JARID2: variants seen among roughly 807,000 people sequenced by gnomAD.
JARID2 encodes protein Jumonji.
A neutral mutation model predicts 125.6 loss-of-function variants in JARID2; 21 were observed. The ratio of observed to expected loss-of-function variants is 0.17; its 90% confidence interval spans 0.12 to 0.24. The LOEUF (loss-of-function observed/expected upper bound fraction) is 0.24. JARID2 is among the 10% of genes least tolerant of loss of function. JARID2 has a pLI of 1.00. For synonymous variants in JARID2, 736 were observed against 661.6 expected (o/e 1.11, Z -1.73); for missense variants, 1,303 against 1,639.6 (o/e 0.79, Z 3.55).
chr6:15,506,739 G>C (rs185874262), intron 9 of JARID2, among the ~76,000 whole-genome samples: 1 of 152,200 alleles, frequency 6.6e-6, no homozygotes, highest in African/African-American at 2.4e-5. Context: ...GGCGGTTACC[G>C]TGCTTAGCAT....
intron 3 of JARID2, among the ~76,000 whole-genome samples, chr6:15,414,672 T>A (rs1766050717): frequency 6.6e-6 from 1 of 152,122 alleles, no homozygotes; most frequent in Admixed American, 6.6e-5. Flanking sequence ...TGAGTGGAGA[T>A]TCTGTGCTGG....
chr6:15,376,325 C>T (rs1010613133), intron 2 of JARID2, among the ~76,000 whole-genome samples: 4 of 152,138 alleles, frequency 2.6e-5, no homozygotes, highest in Non-Finnish European at 5.9e-5. Context: ...ATGAAGGCAG[C>T]GTTCCAAGGT....
At chr6:15,370,044 T>TA (rs1233120661) in intron 1 of JARID2, among the ~76,000 whole-genome samples, 1 of 152,102 alleles carries the variant, frequency 6.6e-6, no homozygotes, top group Non-Finnish European at 1.5e-5. Context: ...CACTGGATGT[T>TA]AGACACTGGC....
rs549034854 is a variant in JARID2 at position 15,521,040 on chromosome 6, CAAA to C, written c.*793_*795del. 1 of 92,252 alleles carries C rather than the reference CAAA, an allele frequency of 1.1e-5. No individual in the cohort carries two copies. Among genetic ancestry groups the C allele is most frequent in the Non-Finnish European group, 2.1e-5 (1 of 48,598 alleles). The allele number at this position is 92,252 out of a possible 1,614,324, so 5.7% of individuals were successfully genotyped here. A position where few individuals can be genotyped will look rare whatever the true frequency, so the allele number is the denominator to read the frequency against. On this transcript the variant is annotated 3_prime_UTR_variant, in exon 18 of 18. Coordinates refer to ENST00000341776, the MANE Select transcript of JARID2 (RefSeq NM_004973.4). ...TTTTTGGTGCTGTTGGCTACTTTAT[CAAA>C]AAACCCTTCAATAGCATCCTTAAGA...
At chr6:15,422,548 C>G (rs991526326) in intron 3 of JARID2, among the ~76,000 whole-genome samples, 1 of 152,188 alleles carries the variant, frequency 6.6e-6, no homozygotes, top group Non-Finnish European at 1.5e-5. Context: ...TGCTGCTCAT[C>G]GACATTCGTG....
chr6:15,460,276 C>A (rs1050348402), intron 4 of JARID2, among the ~76,000 whole-genome samples: 1 of 152,102 alleles, frequency 6.6e-6, no homozygotes, highest in Non-Finnish European at 1.5e-5. Context: ...GACTGTAGGT[C>A]ATTTTGCTGT....
chr6:15,372,863 C>T (rs1430398365), intron 1 of JARID2, among the ~76,000 whole-genome samples: 1 of 152,108 alleles, frequency 6.6e-6, no homozygotes, highest in Non-Finnish European at 1.5e-5. Flanking sequence ...CGCGTGCCAC[C>T]ACGCCTGGCT....
At chr6:15,299,085 C>T (rs985862583) in intron 1 of JARID2, among the ~76,000 whole-genome samples, 3 of 151,032 alleles carry the variant, frequency 2.0e-5, no homozygotes, top group Admixed American at 2.0e-4. Context: ...ATGGTGTACA[C>T]GAACACATCT....
chr6:15,271,875 C>G (rs9476813), intron 1 of JARID2, among the ~76,000 whole-genome samples: 9 of 152,330 alleles, frequency 5.9e-5, no homozygotes, highest in African/African-American at 2.2e-4. Context: ...TGGTGTGTGC[C>G]TGTAATCCCA....
chr6:15,302,824 T>C (rs1251146762), intron 1 of JARID2, among the ~76,000 whole-genome samples: 1 of 152,144 alleles, frequency 6.6e-6, no homozygotes, highest in African/African-American at 2.4e-5. Flanking sequence ...AACCTCCGCC[T>C]CCTGGGTTCA....
intron 13 of JARID2, among the ~76,000 whole-genome samples, chr6:15,511,982 CTG>C (rs1160858955): frequency 1.3e-5 from 2 of 152,218 alleles, no homozygotes; most frequent in Non-Finnish European, 1.5e-5. Context: ...ACAGAGGGGC[CTG>C]TGTGGTCATC....
At chr6:15,288,061 AGTGACCACCACG>A (rs1761068481) in intron 1 of JARID2, among the ~76,000 whole-genome samples, 2 of 152,154 alleles carry the variant, frequency 1.3e-5, no homozygotes, top group Admixed American at 1.3e-4. Context: ...AGTCCCAAAG[AGTGACCACCACG>A]GCAAAGGGGA....
In JARID2 at chr6:15,487,498, C is replaced by T; in HGVS notation, c.862C>T (p.His288Tyr). Reference sequence around the variant, plus strand: ...GGCCAAGGGGCTTGCTGCCACCCATCACCACCCCCCTCTGCATCGGTCGGC... The same window carrying T: ...GGCCAAGGGGCTTGCTGCCACCCATTACCACCCCCCTCTGCATCGGTCGGC... The part of the protein sequence containing the change: ...SSAKGLAATH[H>Y]HPPLHRSAQD... Residue 288 changes from histidine to tyrosine, a missense_variant, in exon 6 of 18, where the codon CAC (histidine) becomes TAC (tyrosine). His to Tyr is a moderately conservative substitution (Grantham distance 83). This residue lies in a region of JARID2 where 651 missense variants were observed against 581.6 expected (regional missense o/e 1.12). Transcript: ENST00000341776. 1 of 1,614,034 alleles carries T rather than the reference C, an allele frequency of 6.2e-7. No individual in the cohort carries two copies. The highest frequency in any genetic ancestry group is 8.5e-7 in the Non-Finnish European group (1 of 1,179,934).
intron 1 of JARID2, among the ~76,000 whole-genome samples, chr6:15,347,543 A>G (rs1465669905): frequency 1.3e-5 from 2 of 152,192 alleles, no homozygotes; most frequent in African/African-American, 4.8e-5. Context: ...ATTCCTGGGT[A>G]TACTCTCTAA....
chr6:15,511,662 T>C (rs1445310353), intron 13 of JARID2, among the ~76,000 whole-genome samples: 2 of 152,180 alleles, frequency 1.3e-5, no homozygotes, highest in Admixed American at 6.5e-5. Flanking sequence ...TGGGATTTCT[T>C]GTGCCCGCCG....
At chr6:15,414,232 T>C (rs575837698) in intron 3 of JARID2, among the ~76,000 whole-genome samples, 1 of 152,206 alleles carries the variant, frequency 6.6e-6, no homozygotes, top group East Asian at 1.9e-4. Context: ...CAACTTTATC[T>C]AGTCTGCTTT....
intron 1 of JARID2, among the ~76,000 whole-genome samples, chr6:15,337,183 C>A (rs1030191366): frequency 6.6e-6 from 1 of 152,214 alleles, no homozygotes; most frequent in African/African-American, 2.4e-5. Context: ...TCAAAACCCC[C>A]AGACCTTGTC....
Position 15,484,312 on chromosome 6 carries a change from C to T in JARID2, c.671-2995C>T, listed in dbSNP as rs368457339. ...CTGCTGGACTTTGTCCACAGACTCTCAGTCATGGTCTGGCATGAGTAGGAG... is the reference window on the plus strand; with the variant it reads ...CTGCTGGACTTTGTCCACAGACTCTTAGTCATGGTCTGGCATGAGTAGGAG... On this transcript the variant is annotated intron_variant, in intron 5 of 17. Coordinates refer to ENST00000341776, the MANE Select transcript of JARID2 (RefSeq NM_004973.4). Among the ~76,000 whole-genome samples the T allele has an allele frequency of 2.6e-5, 4 of 152,216 alleles. No homozygotes were observed. The East Asian group carries it at 7.7e-4, about 29-fold the overall frequency.
intron 2 of JARID2, among the ~76,000 whole-genome samples, chr6:15,387,345 G>A (rs1229129632): frequency 1.3e-5 from 2 of 152,182 alleles, no homozygotes; most frequent in African/African-American, 4.8e-5. Context: ...CTTAGACTGG[G>A]CTGCTGATAT....
Sources: allele counts gnomAD v4.1 joint callset (sites outside exome capture counted in the v4.1 genomes callset), GRCh38; gene constraint gnomAD v4.1.1; regional missense constraint gnomAD v4.1.1; transcripts MANE v1.5; gene names NCBI Gene and HGNC (gene_info 2026-07-23, HGNC 2026-07-21).